Variants in RELN observed in about 807,000 individuals in gnomAD.
The protein encoded by RELN is reelin.
Under a neutral mutation model 427.6 loss-of-function variants are expected in RELN, and 108 were observed. The ratio of observed to expected loss-of-function variants is 0.25; its 90% confidence interval spans 0.22 to 0.30. The LOEUF (loss-of-function observed/expected upper bound fraction) is 0.30, where lower values mean the gene tolerates loss of function less well. RELN is among the 10% of genes least tolerant of loss of function. The pLI is 1.00. For synonymous variants in RELN, 1,524 were observed against 1,513.4 expected, an observed-to-expected ratio of 1.01 and a Z score of -0.16; for missense variants, 3,715 against 4,302.8, an observed-to-expected ratio of 0.86 and a Z score of 3.82.
At chr7:103,914,253 C>T (rs1177954025) in intron 2 of RELN, among the ~76,000 whole-genome samples, 1 of 152,054 alleles carries the variant, frequency 6.6e-6, no homozygotes, top group Admixed American at 6.6e-5. Context: ...TCAAAATGTG[C>T]TTACAACACA....
chr7:103,826,319 AATGTGTGTGTGTGT>A (rs1257911516), intron 3 of RELN, among the ~76,000 whole-genome samples: 58 of 137,574 alleles, frequency 4.2e-4, no homozygotes, highest in African/African-American at 1.1e-3. Context: ...AGACTAAGAC[AATGTGTGTGTGTGT>A]GTGTGTGTGT....
intron 17 of RELN, among the ~76,000 whole-genome samples, chr7:103,638,021 TC>T (rs1454875505): frequency 1.3e-5 from 2 of 152,160 alleles, no homozygotes; most frequent in Non-Finnish European, 2.9e-5. Flanking sequence ...CAAAGGTTAT[TC>T]AGTTGAGATA....
chr7:103,852,809 A>T (rs964971249), intron 2 of RELN, among the ~76,000 whole-genome samples: 9 of 152,094 alleles, frequency 5.9e-5, no homozygotes, highest in Non-Finnish European at 7.4e-5. Context: ...ATATATTGGT[A>T]GCAGATTATG....
chr7:103,851,563 G>C (rs767138306), intron 2 of RELN, among the ~76,000 whole-genome samples: 2 of 152,134 alleles, frequency 1.3e-5, no homozygotes, highest in Non-Finnish European at 2.9e-5. Context: ...GGAGCTCTCC[G>C]TAGTACTGAA....
intron 8 of RELN, among the ~76,000 whole-genome samples, chr7:103,721,744 T>C (rs558135351): frequency 6.6e-6 from 1 of 152,310 alleles, no homozygotes; most frequent in Non-Finnish European, 1.5e-5. Context: ...CTGAAACTAA[T>C]GTTCATCTCT....
At chr7:103,740,466 T>G (rs990475194) in intron 6 of RELN, among the ~76,000 whole-genome samples, 5 of 152,240 alleles carry the variant, frequency 3.3e-5, no homozygotes, top group African/African-American at 1.2e-4. Flanking sequence ...AATTTTTAAA[T>G]AATTTGAAAT....
intron 1 of RELN, among the ~76,000 whole-genome samples, chr7:103,943,022 T>G (rs1454284046): frequency 6.6e-6 from 1 of 152,158 alleles, no homozygotes; most frequent in African/African-American, 2.4e-5. Flanking sequence ...AAAGAATCAT[T>G]TATACTTTTT....
intron 2 of RELN, among the ~76,000 whole-genome samples, chr7:103,872,030 A>ATTTTTTTTTT (rs1554434458): frequency 1.7e-4 from 24 of 138,446 alleles, no homozygotes; most frequent in African/African-American, 4.3e-4. Flanking sequence ...ATATATATAT[A>ATTTTTTTTTT]TTTTTCTTTT....
intron 27 of RELN, among the ~76,000 whole-genome samples, chr7:103,593,192 A>G (rs1420022438): frequency 2.0e-5 from 3 of 152,224 alleles, no homozygotes; most frequent in Non-Finnish European, 4.4e-5. Flanking sequence ...ACATGTTGAT[A>G]TGTTATCACA....
chr7:103,583,193 C>T (rs375675653), intron 28 of RELN, among the ~76,000 whole-genome samples: 1 of 152,186 alleles, frequency 6.6e-6, no homozygotes, highest in Non-Finnish European at 1.5e-5. Flanking sequence ...GAGAATTACA[C>T]CATTGGCTTC....
intron 2 of RELN, among the ~76,000 whole-genome samples, chr7:103,881,430 C>T (rs977363455): frequency 7.9e-5 from 12 of 152,084 alleles, no homozygotes; most frequent in African/African-American, 2.7e-4. Context: ...CTGTTGGCAT[C>T]ATCATCAGAG....
intron 11 of RELN, among the ~76,000 whole-genome samples, chr7:103,668,876 T>G (rs1390710636): frequency 6.6e-6 from 1 of 152,196 alleles, no homozygotes; most frequent in South Asian, 2.1e-4. Context: ...TGATGACTCC[T>G]TTTTGATATC....
intron 9 of RELN, among the ~76,000 whole-genome samples, chr7:103,700,182 G>T (rs1325234772): frequency 6.6e-6 from 1 of 151,986 alleles, no homozygotes; most frequent in Admixed American, 6.6e-5. Context: ...CTTTATAAAA[G>T]TTTAAGGCAT....
At chr7:103,690,621 C>T (rs1833854157) in intron 10 of RELN, among the ~76,000 whole-genome samples, 1 of 152,064 alleles carries the variant, frequency 6.6e-6, no homozygotes, top group Non-Finnish European at 1.5e-5. Flanking sequence ...GAGAGCAAAA[C>T]CATCGTAAAC....
intron 20 of RELN, among the ~76,000 whole-genome samples, chr7:103,615,576 A>G (rs1314625568): frequency 2.0e-5 from 3 of 152,134 alleles, no homozygotes; most frequent in African/African-American, 7.2e-5. Context: ...TTGAGTCAAG[A>G]CCCTCTGGGA....
At chr7:103,644,137 TA>T (rs1402305845) in intron 16 of RELN, among the ~76,000 whole-genome samples, 1 of 151,096 alleles carries the variant, frequency 6.6e-6, no homozygotes, top group Non-Finnish European at 1.5e-5. Context: ...GAAAGTAAAT[TA>T]AAAAAAATAA....
chr7:103,484,527 C>G (rs568441913), intron 61 of RELN: 3 of 153,724 alleles, frequency 2.0e-5, no homozygotes, highest in Non-Finnish European at 4.4e-5. Flanking sequence ...ACAGCCAGAT[C>G]GCCCTCACAT....
chr7:103,545,010 T>C, intron 42 of RELN, 114 bp downstream of exon 42: 1 of 810,478 alleles, frequency 1.2e-6, no homozygotes, highest in Non-Finnish European at 2.1e-6. Flanking sequence ...TGTTCACAAT[T>C]GAAATAATAA....
intron 1 of RELN, among the ~76,000 whole-genome samples, chr7:103,919,155 T>A (rs200311381): frequency 3.4e-5 from 5 of 145,062 alleles, no homozygotes; most frequent in East Asian, 2.1e-4. Context: ...TTTTTTTTTT[T>A]TAGAAAGAGG....
Sources: gnomAD v4.1 joint callset for allele counts (sites outside exome capture counted in the v4.1 genomes callset) on GRCh38, gnomAD v4.1.1 for gene constraint, MANE v1.5 for transcripts, NCBI Gene and HGNC (gene_info 2026-07-23, HGNC 2026-07-21) for gene names.